RARA: variants seen among roughly 807,000 people sequenced by gnomAD.
RARA encodes PML-DDX5-RARA fusion.
Under a neutral mutation model 42.8 loss-of-function variants are expected in RARA, and 5 were observed. That is an observed-to-expected ratio of 0.12 (90% CI 0.06 to 0.25). The LOEUF (loss-of-function observed/expected upper bound fraction) is 0.25. RARA is among the 10% of genes least tolerant of loss of function. The probability of loss-of-function intolerance (pLI) is 1.00; values close to 1 mark genes in which losing one functional copy is unlikely to be tolerated. For synonymous variants in RARA, 256 were observed against 259.5 expected (o/e 0.99, Z 0.13); for missense variants, 402 against 628.7 (o/e 0.64, Z 3.86).
chr17:40,356,771 TA>T lies in RARA; in HGVS notation c.*547del. The stretch of plus-strand genomic sequence containing the variant: ...TTTAATTTTTTTGTTTTGATTTTTT[TA>T]ATAAGAATTTTCATTTTAAGCACAT... On this transcript the variant is annotated 3_prime_UTR_variant, in exon 9 of 9. Transcript: ENST00000254066. 1 of 510,308 alleles carries T rather than the reference TA, an allele frequency of 2.0e-6. No homozygotes were observed. The allele number at this position is 510,308 out of a possible 1,614,324, so 31.6% of individuals were successfully genotyped here. A position where few individuals can be genotyped will look rare whatever the true frequency, so the allele number is the denominator to read the frequency against.
chr17:40,341,708 G>GA, intron 2 of RARA: 1 of 1,328,104 alleles, frequency 7.5e-7, no homozygotes, highest in Non-Finnish European at 9.6e-7. Context: ...GGCCTGGGTG[G>GA]GGGTGTGTGT....
intron 1 of RARA, among the ~76,000 whole-genome samples, chr17:40,309,976 C>T (rs2033066185): frequency 6.6e-6 from 1 of 152,126 alleles, no homozygotes; most frequent in Non-Finnish European, 1.5e-5. Context: ...GTTGTAAGAT[C>T]TAGAAGCTTT....
intron 1 of RARA, among the ~76,000 whole-genome samples, chr17:40,310,515 T>C (rs1244751567): frequency 1.3e-5 from 2 of 152,158 alleles, no homozygotes; most frequent in African/African-American, 2.4e-5. Flanking sequence ...GGGTGTGCTC[T>C]GCATTCTTCC....
intron 1 of RARA, among the ~76,000 whole-genome samples, chr17:40,330,552 G>A (rs1202628579): frequency 6.6e-6 from 1 of 152,158 alleles, no homozygotes; most frequent in Non-Finnish European, 1.5e-5. Context: ...CCAGCTGCCC[G>A]TTTCTGCTGC....
In RARA at chr17:40,326,260, C is replaced by G. The variant is rs561034224; in HGVS notation, c.-362-4597C>G. On this transcript the variant is annotated intron_variant, in intron 1 of 8. Transcript: ENST00000254066. This position sits in a 1 kb window ranked among gnomAD's most constrained non-coding sequence, Gnocchi z 5.2. ...CCAGTTGCCCGGGCCTCCCCTGTGC[C>G]AAGCTCTGGTCTGGGTGCTTTCCAG... Among the ~76,000 whole-genome samples, 1 of 152,364 alleles carries G rather than the reference C, an allele frequency of 6.6e-6. No individual in the cohort carries two copies. The highest frequency in any genetic ancestry group is 2.4e-5 in the African/African-American group (1 of 41,586).
At chr17:40,327,980 G>A (rs2033591511) in intron 1 of RARA, among the ~76,000 whole-genome samples, 1 of 152,198 alleles carries the variant, frequency 6.6e-6, no homozygotes, top group South Asian at 2.1e-4. Flanking sequence ...TAGGAAGGGA[G>A]CTCTTTATTC....
Position 40,333,637 on chromosome 17 carries a change from T to G in RARA, c.178+2241T>G, listed in dbSNP as rs1050224351. ...AGGCATGAGCCACTGTGCCTGGCTT[T>G]CTTTCTTTTTTTTTTTTCTCATAGG... On this transcript the variant is annotated intron_variant, in intron 2 of 8. Coordinates refer to ENST00000254066, the MANE Select transcript of RARA (RefSeq NM_000964.4). 2.0e-4 allele frequency among the ~76,000 whole-genome samples: 30 copies of G among 151,270 alleles called. 1 individual carries two copies. Among genetic ancestry groups the G allele is most frequent in the Non-Finnish European group, 3.1e-4 (21 of 67,686 alleles).
chr17:40,352,462 C>G lies in RARA; in HGVS notation c.762C>G (p.Ile254Met). ...KQLPGFTTLTIADQITLLKAA... is the reference protein window; with the variant it reads ...KQLPGFTTLTMADQITLLKAA... ...TGCCCGGCTTCACCACCCTCACCAT[C>G]GCCGACCAGATCACCCTCCTCAAGG... Residue 254 changes from isoleucine to methionine, a missense_variant, in exon 6 of 9, where the codon ATC becomes ATG. By Grantham distance (10) the Ile-to-Met change is conservative. This residue lies in a region of RARA where 130 missense variants were observed against 267.9 expected (regional missense o/e 0.49). Coordinates refer to ENST00000254066, the MANE Select transcript of RARA (RefSeq NM_000964.4). The surrounding 1 kb of genome is among the most constrained non-coding windows in gnomAD (Gnocchi z 4.9). 4 of 1,613,634 alleles carry G rather than the reference C, an allele frequency of 2.5e-6. No homozygotes were observed. The highest frequency in any genetic ancestry group is 3.4e-6 in the Non-Finnish European group (4 of 1,179,716).
chr17:40,354,548 G>A lies in RARA; in HGVS notation c.1012+42G>A, dbSNP rs2034553430. 2 of 1,593,018 alleles carry A rather than the reference G, an allele frequency of 1.3e-6. No homozygotes were observed. Among genetic ancestry groups the A allele is most frequent in the Non-Finnish European group, 1.7e-6 (2 of 1,166,626 alleles). On this transcript the variant is annotated intron_variant, in intron 7 of 8. Coordinates refer to ENST00000254066, the MANE Select transcript of RARA (RefSeq NM_000964.4). This position sits in a 1 kb window ranked among gnomAD's most constrained non-coding sequence, Gnocchi z 4.5. ...GGTCTGGGGGCTGGGCTGGGACGGG[G>A]GTGCAGCCCTGGAGTCTCTTCCAGG... is the stretch of plus-strand genomic sequence containing the variant.
rs2034566768 is a variant in RARA at position 40,354,885 on chromosome 17, A to C, written c.1013-378A>C. On this transcript the variant is annotated intron_variant, in intron 7 of 8. Transcript: ENST00000254066. The surrounding 1 kb of genome is among the most constrained non-coding windows in gnomAD (Gnocchi z 4.5). ...TAACAGATACTGTGCAGGTGCCCAGAGCGAGCTCCAGTGCTTGTTAGTTGC... is the reference window on the plus strand; with the variant it reads ...TAACAGATACTGTGCAGGTGCCCAGCGCGAGCTCCAGTGCTTGTTAGTTGC... Among the ~76,000 whole-genome samples, 1 of 152,208 alleles carries C rather than the reference A, an allele frequency of 6.6e-6. No individual in the cohort carries two copies. The highest frequency in any genetic ancestry group is 6.5e-5 in the Admixed American group (1 of 15,282).
chr17:40,354,199 C>T lies in RARA; in HGVS notation c.808-103C>T, dbSNP rs2034539325. 2.7e-6 allele frequency: 3 copies of T among 1,123,322 alleles called. No homozygotes were observed. The highest frequency in any genetic ancestry group is 3.9e-6 in the Non-Finnish European group (3 of 770,818). 69.6% of individuals were successfully genotyped at this position (1,123,322 alleles called of 1,614,324 possible). A position where few individuals can be genotyped will look rare whatever the true frequency, so the allele number is the denominator to read the frequency against. On this transcript the variant is annotated intron_variant, in intron 6 of 8. Coordinates refer to ENST00000254066, the MANE Select transcript of RARA (RefSeq NM_000964.4). This position sits in a 1 kb window ranked among gnomAD's most constrained non-coding sequence, Gnocchi z 4.5. The stretch of plus-strand genomic sequence containing the variant: ...CTATCAGACAGCATTGCTCCGGCCA[C>T]CTGCCAGGTGGTCCTCCGGGAGTGC...
chr17:40,344,312 T>C (rs1255214249), intron 2 of RARA, among the ~76,000 whole-genome samples: 1 of 152,022 alleles, frequency 6.6e-6, no homozygotes, highest in Non-Finnish European at 1.5e-5. Context: ...AGGGAAGGTA[T>C]CACCCTTGAC....
At position 40,320,211 on chromosome 17, in the gene RARA, G is replaced by A. The variant is rs1381892470; in HGVS notation, c.-362-10646G>A. Among the ~76,000 whole-genome samples the A allele has an allele frequency of 6.6e-6, 1 of 152,080 alleles. No individual in the cohort carries two copies. The highest frequency in any genetic ancestry group is 3.2e-3 in the Middle Eastern group (1 of 316). On this transcript the variant is annotated intron_variant, in intron 1 of 8. Transcript: ENST00000254066. The surrounding 1 kb of genome is among the most constrained non-coding windows in gnomAD (Gnocchi z 4.1). ...CCTGGGGTTGAAATGGCTTAATCCT[G>A]GCCACATCCTCCTTCCTATAGCCCC...
At position 40,356,402 on chromosome 17, in the gene RARA, G is replaced by A. The variant is rs990000894; in HGVS notation, c.*176G>A. 8.9e-6 allele frequency: 7 copies of A among 783,032 alleles called. No individual in the cohort carries two copies. The highest frequency in any genetic ancestry group is 8.5e-5 in the African/African-American group (5 of 58,674). The allele number at this position is 783,032 out of a possible 1,614,324, so 48.5% of individuals were successfully genotyped here. A position where few individuals can be genotyped will look rare whatever the true frequency, so the allele number is the denominator to read the frequency against. ...AGCGACTCCTTGGACAGAGGCCTGGGCCCTCAGTGGACTGCCTGCTCCCAC... is the reference window on the plus strand; with the variant it reads ...AGCGACTCCTTGGACAGAGGCCTGGACCCTCAGTGGACTGCCTGCTCCCAC... On this transcript the variant is annotated 3_prime_UTR_variant, in exon 9 of 9. Transcript: ENST00000254066.
Position 40,351,543 on chromosome 17 carries a change from C to A in RARA, c.470-367C>A. The A allele has an allele frequency of 2.1e-6, 1 of 470,222 alleles. No homozygotes were observed. 29.1% of individuals were successfully genotyped at this position (470,222 alleles called of 1,614,324 possible). On this transcript the variant is annotated intron_variant, in intron 4 of 8. Coordinates refer to ENST00000254066, the MANE Select transcript of RARA (RefSeq NM_000964.4). The surrounding 1 kb of genome is among the most constrained non-coding windows in gnomAD (Gnocchi z 4.1). ...GCTGGGAGGGCTGGGTGAGTGGAGG[C>A]GGGAGAAGGACCTTCCTGGGGAAAG...
At position 40,315,388 on chromosome 17, in the gene RARA, T is replaced by C. The variant is rs1002114533; in HGVS notation, c.-363+6102T>C. On this transcript the variant is annotated intron_variant, in intron 1 of 8. Transcript: ENST00000254066. ...CCTGCCATTGACAAGCTGTATGACG[T>C]TGAGGAAGGCAATTTTCTTTTTGAG... Among the ~76,000 whole-genome samples, 7 of 151,896 alleles carry C rather than the reference T, an allele frequency of 4.6e-5. No individual in the cohort carries two copies. The East Asian group carries it at 7.8e-4, about 17-fold the overall frequency.
chr17:40,342,701 A>G (rs774290249), intron 2 of RARA: 1 of 1,607,086 alleles, frequency 6.2e-7, no homozygotes, highest in South Asian at 1.1e-5. Flanking sequence ...CTTCGAGGGG[A>G]AAGATGTACG....
chr17:40,330,848 T>C lies in RARA; in HGVS notation c.-362-9T>C, dbSNP rs2033672430. The C allele has an allele frequency of 3.9e-6, 1 of 259,024 alleles. No homozygotes were observed. Among genetic ancestry groups the C allele is most frequent in the Non-Finnish European group, 7.4e-6 (1 of 135,420 alleles). The allele number at this position is 259,024 out of a possible 1,614,324, so 16.0% of individuals were successfully genotyped here. ...AGTGCCCACTCACCTGTCTTTCTTTTTTCTGCAGCATCACAGGACATGGCC... is the reference window on the plus strand; with the variant it reads ...AGTGCCCACTCACCTGTCTTTCTTTCTTCTGCAGCATCACAGGACATGGCC... On this transcript the variant is annotated splice_polypyrimidine_tract_variant and intron_variant, in intron 1 of 8. Coordinates refer to ENST00000254066, the MANE Select transcript of RARA (RefSeq NM_000964.4).
chr17:40,340,944 A>T (rs1445337191), intron 2 of RARA: 4 of 400,306 alleles, frequency 1.0e-5, no homozygotes, highest in Non-Finnish European at 1.8e-5. Flanking sequence ...GACCTGTTTT[A>T]TTTGTAAAAC....
Sources: allele counts gnomAD v4.1 joint callset (sites outside exome capture counted in the v4.1 genomes callset), GRCh38; gene constraint gnomAD v4.1.1; regional missense constraint gnomAD v4.1.1; non-coding constraint Gnocchi (gnomAD v3.1); transcripts MANE v1.5; gene names NCBI Gene and HGNC (gene_info 2026-07-23, HGNC 2026-07-21).